KIAA1217: variants seen among roughly 807,000 people sequenced by gnomAD.
KIAA1217 encodes the protein KIAA1217, also known as sickle tail protein homolog.
KIAA1217 carries 88 observed loss-of-function variants against 163.9 expected under a neutral mutation model. The observed-to-expected ratio is 0.54, with a 90% CI of 0.45 to 0.64. KIAA1217 has a LOEUF of 0.64. Ranked by LOEUF, KIAA1217 falls within the 30% of genes least tolerant of loss-of-function variation. The pLI is 0.00. For missense variants in KIAA1217, 2,372 were observed against 2,475.0 expected, an observed-to-expected ratio of 0.96 and a Z score of 0.88; for synonymous variants, 903 against 923.1, an observed-to-expected ratio of 0.98 and a Z score of 0.39.
intron 1 of KIAA1217, among the ~76,000 whole-genome samples, chr10:23,758,291 A>G (rs1435114543): frequency 6.6e-6 from 1 of 152,206 alleles, no homozygotes; most frequent in East Asian, 1.9e-4. Context: ...AAAATTTCCC[A>G]GCACCATTTG....
At chr10:24,497,916 C>T (rs956152296) in intron 8 of KIAA1217, among the ~76,000 whole-genome samples, 20 of 151,916 alleles carry the variant, frequency 1.3e-4, no homozygotes, top group African/African-American at 4.1e-4. Flanking sequence ...CTAAAATCTC[C>T]GACTTCTCCA....
At chr10:23,725,593 A>G (rs1189423812) in intron 1 of KIAA1217, among the ~76,000 whole-genome samples, 2 of 152,226 alleles carry the variant, frequency 1.3e-5, no homozygotes, top group Admixed American at 6.5e-5. Context: ...AAAATGAGCT[A>G]CTTGCCCCCT....
Position 23,869,124 on chromosome 10 carries a change from G to GTT in KIAA1217, c.-320-138072_-320-138071dup, listed in dbSNP as rs58288361. ...GTGTAACGTGCAATCATGAAATGTA[G>GTT]TTTTTTTTTTTTTTTTTTTTTTTTT... On this transcript the variant is annotated intron_variant, in intron 1 of 18. Coordinates refer to the KIAA1217 transcript ENST00000376462. Among the ~76,000 whole-genome samples the GTT allele has an allele frequency of 8.2e-3, 261 of 31,720 alleles. 89 individuals are homozygous for GTT. Among genetic ancestry groups the GTT allele is most frequent in the African/African-American group, 0.019 (160 of 8,286 alleles). The allele number at this position is 31,720 out of a possible 152,430, so 20.8% of individuals were successfully genotyped here.
At chr10:24,197,148 C>T (rs894669825) in intron 2 of KIAA1217, among the ~76,000 whole-genome samples, 4 of 152,330 alleles carry the variant, frequency 2.6e-5, no homozygotes, top group Admixed American at 1.3e-4. Context: ...AACCAATGAC[C>T]TTTTAGTTAA....
chr10:24,354,353 G>A (rs756965), intron 2 of KIAA1217, among the ~76,000 whole-genome samples: 69,518 of 151,656 alleles, frequency 0.46, 15,958 homozygotes, highest in East Asian at 0.53. Flanking sequence ...CATGCAGATG[G>A]GCAGGTGCAG....
intron 2 of KIAA1217, among the ~76,000 whole-genome samples, chr10:24,350,934 G>T (rs933716274): frequency 9.9e-5 from 15 of 151,652 alleles, no homozygotes; most frequent in African/African-American, 3.6e-4. Flanking sequence ...TTGGAAAAGT[G>T]ATTATGCATC....
intron 1 of KIAA1217, among the ~76,000 whole-genome samples, chr10:23,940,831 C>T (rs572821009): frequency 1.3e-5 from 2 of 152,326 alleles, no homozygotes; most frequent in Non-Finnish European, 2.9e-5. Context: ...AAACAACACA[C>T]TTCTGAATAA....
At chr10:23,934,625 A>ACATATATATATATATATT (rs1386131943) in intron 1 of KIAA1217, among the ~76,000 whole-genome samples, 5 of 68,570 alleles carry the variant, frequency 7.3e-5, no homozygotes, top group African/African-American at 4.6e-4. Context: ...ATATATATAT[A>ACATATATATATATATATT]TTTTTTTTTT....
intron 1 of KIAA1217, among the ~76,000 whole-genome samples, chr10:23,965,116 A>C (rs12767168): frequency 2.0e-5 from 3 of 152,220 alleles, no homozygotes; most frequent in Non-Finnish European, 4.4e-5. Context: ...TGTGATTAGG[A>C]CCAACTGGAG....
At chr10:24,140,655 A>T (rs2064026166) in intron 2 of KIAA1217, among the ~76,000 whole-genome samples, 1 of 152,210 alleles carries the variant, frequency 6.6e-6, no homozygotes, top group Non-Finnish European at 1.5e-5. Context: ...TTTAAAACTT[A>T]GGAATCGTTT....
intron 2 of KIAA1217, among the ~76,000 whole-genome samples, chr10:24,379,629 G>A (rs1245291139): frequency 6.6e-6 from 1 of 152,160 alleles, no homozygotes; most frequent in East Asian, 1.9e-4. Flanking sequence ...TTAGCAAGAA[G>A]CTGCTCATCC....
intron 2 of KIAA1217, among the ~76,000 whole-genome samples, chr10:24,040,308 T>C (rs1356686087): frequency 6.6e-6 from 1 of 152,200 alleles, no homozygotes; most frequent in Non-Finnish European, 1.5e-5. Flanking sequence ...TCCTCTCTCC[T>C]CCATCCCTGC....
At chr10:24,226,494 T>A (rs931368669) in intron 2 of KIAA1217, among the ~76,000 whole-genome samples, 6 of 151,358 alleles carry the variant, frequency 4.0e-5, no homozygotes, top group African/African-American at 1.5e-4. Flanking sequence ...TACAGAAAAT[T>A]AGCTGGGCAT....
intron 3 of KIAA1217, among the ~76,000 whole-genome samples, chr10:24,399,084 C>T (rs77023352): frequency 0.019 from 2,952 of 152,224 alleles, 39 homozygotes; most frequent in Non-Finnish European, 0.027. Flanking sequence ...AGAAGTGGAC[C>T]CACACAGCTC....
chr10:23,696,237 C>T (rs1836029815), intron 1 of KIAA1217, among the ~76,000 whole-genome samples: 1 of 152,234 alleles, frequency 6.6e-6, no homozygotes, highest in Non-Finnish European at 1.5e-5. Context: ...GTCCTAGGGT[C>T]AGAGCCCTGC....
chr10:23,852,335 C>T (rs557474338), intron 1 of KIAA1217, among the ~76,000 whole-genome samples: 79 of 152,114 alleles, frequency 5.2e-4, no homozygotes, highest in African/African-American at 1.7e-3. Flanking sequence ...AGATAAGCGG[C>T]GCTATTTCTG....
At chr10:24,093,613 G>T (rs1157742968) in intron 2 of KIAA1217, among the ~76,000 whole-genome samples, 1 of 151,020 alleles carries the variant, frequency 6.6e-6, no homozygotes, top group African/African-American at 2.5e-5. Flanking sequence ...ACTCAACTAA[G>T]AATTTTTTTT....
At chr10:23,830,486 G>C (rs1838129617) in intron 1 of KIAA1217, among the ~76,000 whole-genome samples, 1 of 152,068 alleles carries the variant, frequency 6.6e-6, no homozygotes, top group Non-Finnish European at 1.5e-5. Context: ...CTAGGGTTTT[G>C]CTTTTAAGAG....
At chr10:23,720,848 C>A (rs1489961218) in intron 1 of KIAA1217, among the ~76,000 whole-genome samples, 1 of 152,062 alleles carries the variant, frequency 6.6e-6, no homozygotes, top group Non-Finnish European at 1.5e-5. Context: ...AGAATTATTC[C>A]ACTGATGTTC....
Sources: allele counts gnomAD v4.1 joint callset (sites outside exome capture counted in the v4.1 genomes callset), GRCh38; gene constraint gnomAD v4.1.1; transcripts MANE v1.5; gene names NCBI Gene and HGNC (gene_info 2026-07-23, HGNC 2026-07-21).